Variants in DOP1B observed in about 807,000 individuals in gnomAD.
DOP1B encodes the protein protein DOP1B.
DOP1B carries 174 observed loss-of-function variants against 233.5 expected under a neutral mutation model. The observed-to-expected ratio is 0.75, with a 90% confidence interval of 0.66 to 0.85. DOP1B has a LOEUF of 0.85. Ranked by LOEUF, DOP1B falls within the 40% of genes least tolerant of loss-of-function variation. The probability of loss-of-function intolerance (pLI) is 0.00; values close to 1 mark genes in which losing one functional copy is unlikely to be tolerated. For synonymous variants in DOP1B, 1,190 were observed against 1,185.6 expected (o/e 1.00, Z -0.08); for missense variants, 2,652 against 2,846.6 (o/e 0.93, Z 1.56).
At chr21:36,229,342 C>A (rs144491872) in intron 13 of DOP1B, among the ~76,000 whole-genome samples, 1 of 152,162 alleles carries the variant, frequency 6.6e-6, no homozygotes, top group East Asian at 1.9e-4. Flanking sequence ...TCTCATGCCT[C>A]CCCCGAGCTT....
intron 2 of DOP1B, among the ~76,000 whole-genome samples, chr21:36,178,069 C>T (rs1222577442): frequency 1.3e-5 from 2 of 152,198 alleles, no homozygotes; most frequent in Non-Finnish European, 2.9e-5. Flanking sequence ...TCCTTCTCCC[C>T]TCAAACTCAT....
intron 2 of DOP1B, among the ~76,000 whole-genome samples, chr21:36,177,933 A>G (rs1169463408): frequency 6.6e-6 from 1 of 152,228 alleles, no homozygotes; most frequent in Non-Finnish European, 1.5e-5. Flanking sequence ...AACAGAATTG[A>G]GTTTATAGAT....
At chr21:36,289,361 T>C (rs1256312595) in intron 35 of DOP1B, among the ~76,000 whole-genome samples, 155 bp downstream of exon 35, 1 of 152,036 alleles carries the variant, frequency 6.6e-6, no homozygotes, top group East Asian at 1.9e-4. Flanking sequence ...AGTTTCAGAT[T>C]ACTTGCAACA....
At chr21:36,171,914 G>A (rs1301196415) in intron 2 of DOP1B, among the ~76,000 whole-genome samples, 2 of 152,304 alleles carry the variant, frequency 1.3e-5, no homozygotes, top group Middle Eastern at 3.4e-3. Context: ...AGAGACAGAC[G>A]ACAGATGACT....
intron 1 of DOP1B, among the ~76,000 whole-genome samples, chr21:36,159,829 T>C (rs117563838): frequency 0.036 from 5,530 of 152,320 alleles, 136 homozygotes; most frequent in Middle Eastern, 0.065. Flanking sequence ...TGCCGGTGGC[T>C]GAGTTTCCTC....
At chr21:36,247,778 T>G in intron 20 of DOP1B, 150 bp downstream of exon 20, 1 of 589,422 alleles carries the variant, frequency 1.7e-6, no homozygotes, top group Non-Finnish European at 2.9e-6. Flanking sequence ...AAATATTACA[T>G]AAGTCACGTA....
chr21:36,265,779 C>A (rs2067224076), intron 26 of DOP1B, among the ~76,000 whole-genome samples: 1 of 152,178 alleles, frequency 6.6e-6, no homozygotes, highest in Non-Finnish European at 1.5e-5. Context: ...ATGCTTCTTC[C>A]CCACTGAGGA....
At chr21:36,224,240 C>T (rs1226099015) in intron 11 of DOP1B, among the ~76,000 whole-genome samples, 1 of 151,910 alleles carries the variant, frequency 6.6e-6, no homozygotes, top group East Asian at 1.9e-4. Flanking sequence ...ACCTCTGCCT[C>T]CCAGGTTCAA....
intron 35 of DOP1B, 21 bp from the exon 36 acceptor site, chr21:36,292,083 C>T (rs1184905959): frequency 6.3e-7 from 1 of 1,579,856 alleles, no homozygotes; most frequent in Admixed American, 2.0e-5. Context: ...GCAGACCTGA[C>T]CTTCTGTTTG....
intron 1 of DOP1B, among the ~76,000 whole-genome samples, chr21:36,162,605 GTC>G (rs1464117990): frequency 6.6e-6 from 1 of 151,990 alleles, no homozygotes; most frequent in African/African-American, 2.4e-5. Context: ...CAGTGGCGCA[GTC>G]TCACCTCACT....
chr21:36,237,232 C>T, intron 15 of DOP1B, 30 bp from the exon 16 acceptor site: 2 of 1,613,784 alleles, frequency 1.2e-6, no homozygotes, highest in South Asian at 1.1e-5. Context: ...TTGACCTGGT[C>T]CCCCACCGCC....
At position 36,253,840 on chromosome 21, in the gene DOP1B, G is replaced by A; in HGVS notation, c.5190G>A (p.Gln1730=). The A allele has an allele frequency of 6.2e-7, 1 of 1,614,062 alleles. No individual in the cohort carries two copies. Among genetic ancestry groups the A allele is most frequent in the Non-Finnish European group, 8.5e-7 (1 of 1,180,006 alleles). ...TGGTGTGTGCACTCAGCACCCTGCA[G>A]ACTGACACGCTGCTGCACCTGGTGA... The part of the protein sequence containing the change: ...VDLVCALSTL[Q]TDTLLHLVKE... The change falls in exon 23 of 37, where the codon CAG becomes CAA. Residue 1730 remains glutamine, a synonymous_variant. Transcript: ENST00000691173.
At chr21:36,163,205 A>G (rs889273150) in intron 1 of DOP1B, among the ~76,000 whole-genome samples, 5 of 151,964 alleles carry the variant, frequency 3.3e-5, no homozygotes, top group Admixed American at 3.3e-4. Flanking sequence ...TTAGCTGGAC[A>G]TGGTGGCACG....
chr21:36,287,759 GT>G, intron 32 of DOP1B, among the ~76,000 whole-genome samples: 1 of 151,648 alleles, frequency 6.6e-6, no homozygotes, highest in South Asian at 2.1e-4. Flanking sequence ...ACTAATTTTT[GT>G]ATTTTTAGTA....
At chr21:36,267,780 A>G (rs940156488) in intron 26 of DOP1B, among the ~76,000 whole-genome samples, 12 of 152,086 alleles carry the variant, frequency 7.9e-5, no homozygotes, top group African/African-American at 2.9e-4. Context: ...CAGCTGGGCC[A>G]CCAGGGGTGA....
At chr21:36,284,735 C>T (rs2067463527) in intron 32 of DOP1B, among the ~76,000 whole-genome samples, 2 of 152,026 alleles carry the variant, frequency 1.3e-5, no homozygotes, top group South Asian at 4.1e-4. Flanking sequence ...AGAGTTTAAA[C>T]ACCCAGCAAT....
In DOP1B at chr21:36,200,552, G is replaced by A. The variant is rs546628519; in HGVS notation, c.491+51G>A. 7.8e-6 allele frequency: 12 copies of A among 1,531,550 alleles called. 1 individual carries two copies. In the Admixed American group the frequency reaches 8.3e-5, roughly 11 times the overall value. The allele number at this position is 1,531,550 out of a possible 1,614,324, so 94.9% of individuals were successfully genotyped here. ...TGTTTACTCCACTGCTTTATAAGAC[G>A]CGGGGAGGGGGCCGGGCGCAGTGGC... On this transcript the variant is annotated intron_variant, in intron 4 of 36. Transcript: ENST00000691173.
At chr21:36,192,840 A>G (rs2066247925) in intron 2 of DOP1B, among the ~76,000 whole-genome samples, 1 of 150,290 alleles carries the variant, frequency 6.7e-6, no homozygotes, top group Non-Finnish European at 1.5e-5. Flanking sequence ...GGCGCCCGCC[A>G]CCACGCCCGG....
intron 1 of DOP1B, among the ~76,000 whole-genome samples, chr21:36,163,096 C>T (rs978583816): frequency 1.3e-5 from 2 of 151,926 alleles, no homozygotes; most frequent in South Asian, 2.1e-4. Flanking sequence ...CCTGTAATCC[C>T]GGCACTTTGG....
Sources: allele counts gnomAD v4.1 joint callset (sites outside exome capture counted in the v4.1 genomes callset), GRCh38; gene constraint gnomAD v4.1.1; transcripts MANE v1.5; gene names NCBI Gene and HGNC (gene_info 2026-07-23, HGNC 2026-07-21).